The following GPR157 variants were observed in gnomAD, a reference collection of about 807,000 sequenced individuals.
The protein encoded by GPR157 is G protein-coupled receptor 157, also known as G-protein coupled receptor 157.
GPR157 carries 16 observed loss-of-function variants against 23.5 expected under a neutral mutation model. The ratio of observed to expected loss-of-function variants is 0.68; its 90% confidence interval spans 0.46 to 1.04. The LOEUF is 1.04. GPR157 is among the 50% of genes least tolerant of loss of function. The pLI, the probability that GPR157 is intolerant of heterozygous loss-of-function variation, is 0.00. For missense variants in GPR157, 440 were observed against 460.7 expected, an observed-to-expected ratio of 0.96 and a Z score of 0.41; for synonymous variants, 200 against 221.5, an observed-to-expected ratio of 0.90 and a Z score of 0.86.
intron 1 of GPR157, among the ~76,000 whole-genome samples, chr1:9,121,216 C>T (rs2124524804): frequency 6.6e-6 from 1 of 151,902 alleles, no homozygotes; most frequent in African/African-American, 2.4e-5. Context: ...CCTGTGATCC[C>T]AGCTACTTGG....
rs1266982182 is a variant in GPR157, at chr1:9,100,756, A to T, written c.*3663T>A. ...AAAGAAGCCCACTGGGGCTGTGCAAAGTGTCCAAGGAGCACAGCCCCTTTT... is the reference window on the plus strand; with the variant it reads ...AAAGAAGCCCACTGGGGCTGTGCAATGTGTCCAAGGAGCACAGCCCCTTTT... On this transcript the variant is annotated 3_prime_UTR_variant, in exon 4 of 4. Transcript: ENST00000377411. 6.6e-6 allele frequency: 1 copy of T among 152,256 alleles called. No individual in the cohort carries two copies. The highest frequency in any genetic ancestry group is 2.4e-5 in the African/African-American group (1 of 41,462). The allele number at this position is 152,256 out of a possible 1,614,324, so 9.4% of individuals were successfully genotyped here. A position where few individuals can be genotyped will look rare whatever the true frequency, so the allele number is the denominator to read the frequency against.
chr1:9,124,767 G>T (rs554099954), intron 1 of GPR157, among the ~76,000 whole-genome samples: 30 of 152,294 alleles, frequency 2.0e-4, no homozygotes, highest in South Asian at 8.3e-4. Context: ...GTTATGGAAA[G>T]ACTGTATTTC....
rs1638772821 is a variant in GPR157, at chr1:9,120,316, C to G, written c.383+8329G>C. 6.6e-6 allele frequency among the ~76,000 whole-genome samples: 1 copy of G among 152,176 alleles called. No individual in the cohort carries two copies. Among genetic ancestry groups the G allele is most frequent in the Non-Finnish European group, 1.5e-5 (1 of 68,026 alleles). On this transcript the variant is annotated intron_variant, in intron 1 of 3. Transcript: ENST00000377411. This position sits in a 1 kb window ranked among gnomAD's most constrained non-coding sequence, Gnocchi z 4.1. The stretch of plus-strand genomic sequence containing the variant: ...CCTACAGATCTCTGGGGGCTGGCAC[C>G]TGCCAGGAGGAAAACAAGCAGGTCC...
intron 1 of GPR157, among the ~76,000 whole-genome samples, chr1:9,125,079 G>C (rs1638936642): frequency 6.6e-6 from 1 of 152,100 alleles, no homozygotes. Context: ...ATCTGCCTGG[G>C]AACAAAGAGA....
chr1:9,127,225 C>T (rs1286664686), intron 1 of GPR157, among the ~76,000 whole-genome samples: 2 of 152,054 alleles, frequency 1.3e-5, no homozygotes, highest in African/African-American at 4.8e-5. Context: ...AGAAACCCCC[C>T]TAGAGGGTCC....
chr1:9,118,994 C>G lies in GPR157; in HGVS notation c.384-7505G>C, dbSNP rs1246902962. The stretch of plus-strand genomic sequence containing the variant: ...AGGCTGCAGTGAGCCGTGACTGTGC[C>G]ACTGCACTCTAGCCTGGGTGAGAGT... On this transcript the variant is annotated intron_variant, in intron 1 of 3. Coordinates refer to ENST00000377411, the MANE Select transcript of GPR157 (RefSeq NM_024980.5). This position sits in a 1 kb window ranked among gnomAD's most constrained non-coding sequence, Gnocchi z 4.6. Among the ~76,000 whole-genome samples, 1 of 151,268 alleles carries G rather than the reference C, an allele frequency of 6.6e-6. No homozygotes were observed. The highest frequency in any genetic ancestry group is 1.9e-4 in the East Asian group (1 of 5,170).
At chr1:9,113,136 C>G (rs1557696537) in intron 1 of GPR157, among the ~76,000 whole-genome samples, 1 of 152,024 alleles carries the variant, frequency 6.6e-6, no homozygotes, top group African/African-American at 2.4e-5. Flanking sequence ...TTGCTGCTGT[C>G]GTGACTGTTG....
At chr1:9,114,509 CTCAA>C (rs1252991246) in intron 1 of GPR157, among the ~76,000 whole-genome samples, 1 of 152,164 alleles carries the variant, frequency 6.6e-6, no homozygotes, top group African/African-American at 2.4e-5. Flanking sequence ...CTGGGGGTCA[CTCAA>C]ATAGGGGATT....
chr1:9,104,284 A>T lies in GPR157; in HGVS notation c.*135T>A. 3.0e-6 allele frequency: 2 copies of T among 658,192 alleles called. No individual in the cohort carries two copies. Among genetic ancestry groups the T allele is most frequent in the Non-Finnish European group, 5.2e-6 (2 of 381,802 alleles). The allele number at this position is 658,192 out of a possible 1,614,324, so 40.8% of individuals were successfully genotyped here. A position where few individuals can be genotyped will look rare whatever the true frequency, so the allele number is the denominator to read the frequency against. ...AAGCTGAGTTGGCAGCTGCTCTCCCAATGGAGCCGAGAGCATCAATAGCGG... is the reference window on the plus strand; with the variant it reads ...AAGCTGAGTTGGCAGCTGCTCTCCCTATGGAGCCGAGAGCATCAATAGCGG... On this transcript the variant is annotated 3_prime_UTR_variant, in exon 4 of 4. Transcript: ENST00000377411.
rs933576873 is a variant in GPR157 at position 9,102,917 on chromosome 1, T to A, written c.*1502A>T. The A allele has an allele frequency of 3.3e-5, 5 of 152,098 alleles. No individual in the cohort carries two copies. Among genetic ancestry groups the A allele is most frequent in the African/African-American group, 9.7e-5 (4 of 41,400 alleles). The allele number at this position is 152,098 out of a possible 1,614,324, so 9.4% of individuals were successfully genotyped here. A position where few individuals can be genotyped will look rare whatever the true frequency, so the allele number is the denominator to read the frequency against. On this transcript the variant is annotated 3_prime_UTR_variant, in exon 4 of 4. Transcript: ENST00000377411. The stretch of plus-strand genomic sequence containing the variant: ...CAGCTGAATCCTTTTGAATCCTTTG[T>A]TTTTTTCTTTTTTTGAGACAGGGTC...
At chr1:9,124,666 G>C (rs781729585) in intron 1 of GPR157, among the ~76,000 whole-genome samples, 5 of 152,134 alleles carry the variant, frequency 3.3e-5, no homozygotes, top group Non-Finnish European at 5.9e-5. Context: ...GGTCTAACTG[G>C]TTGTCTAGCT....
intron 1 of GPR157, among the ~76,000 whole-genome samples, chr1:9,123,727 T>TTTAAATATATATTTAATA (rs1638900126): frequency 8.4e-6 from 1 of 118,930 alleles, no homozygotes; most frequent in African/African-American, 3.4e-5. Flanking sequence ...TATATATAAT[T>TTTAAATATATATTTAATA]TTAAATATAT....
At chr1:9,107,783 C>T (rs372232372) in intron 2 of GPR157, among the ~76,000 whole-genome samples, 1 of 152,064 alleles carries the variant, frequency 6.6e-6, no homozygotes, top group African/African-American at 2.4e-5. Flanking sequence ...AAAAAATTAT[C>T]GAGGCATGGT....
rs1021592474 is a variant in GPR157 at position 9,111,476 on chromosome 1, A to G, written c.397T>C (p.Leu133=). Residue 133 remains leucine, a synonymous_variant, in exon 2 of 4, where the codon TTG becomes CTG. Transcript: ENST00000377411. Reference sequence around the variant, plus strand: ...GCGACGGCTGCCACAGTGATGACCAACGGGACCCCCCAGCTGAGGAAGGAG... The same window carrying G: ...GCGACGGCTGCCACAGTGATGACCAGCGGGACCCCCCAGCTGAGGAAGGAG... ...AFHVVSWGVP[L]VITVAAVALK... 6.8e-6 allele frequency: 11 copies of G among 1,613,386 alleles called. 1 individual carries two copies. The highest frequency in any genetic ancestry group is 9.3e-6 in the Non-Finnish European group (11 of 1,179,572).
At chr1:9,123,398 TATATTTAATTTAAATAC>T (rs1275114249) in intron 1 of GPR157, among the ~76,000 whole-genome samples, 5 of 106,568 alleles carry the variant, frequency 4.7e-5, no homozygotes, top group African/African-American at 1.1e-4. Context: ...AATTTAAATA[TATATTTAATTTAAATAC>T]ATATTAAAAT....
rs1353226301 is a variant in GPR157 at position 9,105,690 on chromosome 1, G to T, written c.598-10C>A. 6 of 1,593,760 alleles carry T rather than the reference G, an allele frequency of 3.8e-6. No homozygotes were observed. Among genetic ancestry groups the T allele is most frequent in the Non-Finnish European group, 5.1e-6 (6 of 1,168,398 alleles). On this transcript the variant is annotated splice_polypyrimidine_tract_variant and intron_variant, in intron 2 of 3. Transcript: ENST00000377411. The surrounding 1 kb of genome is among the most constrained non-coding windows in gnomAD (Gnocchi z 4.8). ...CAGAGAGTGCCGTGTGCTGTGTGGG[G>T]ACAGCGAGGGCAGACTTGAGTGGAT...
chr1:9,106,232 G>C (rs1486863670), intron 2 of GPR157, among the ~76,000 whole-genome samples: 2 of 152,090 alleles, frequency 1.3e-5, no homozygotes, highest in Non-Finnish European at 2.9e-5. Flanking sequence ...CAGACTCTGG[G>C]TACTTCTGCC....
chr1:9,117,740 C>T (rs933684660), intron 1 of GPR157, among the ~76,000 whole-genome samples: 2 of 151,786 alleles, frequency 1.3e-5, no homozygotes, highest in African/African-American at 2.4e-5. Flanking sequence ...CCAGCCTGGG[C>T]GACAGAGTGG....
chr1:9,125,999 C>G (rs1638955913), intron 1 of GPR157, among the ~76,000 whole-genome samples: 1 of 145,974 alleles, frequency 6.9e-6, no homozygotes, highest in African/African-American at 2.6e-5. Flanking sequence ...GAGACTTGCT[C>G]TATCACCCAG....
Sources: gnomAD v4.1 joint callset for allele counts (sites outside exome capture counted in the v4.1 genomes callset) on GRCh38, gnomAD v4.1.1 for gene constraint, Gnocchi (gnomAD v3.1) non-coding constraint, MANE v1.5 for transcripts, NCBI Gene and HGNC (gene_info 2026-07-23, HGNC 2026-07-21) for gene names.